Variants in SHISA9 observed in about 807,000 individuals in gnomAD.
SHISA9 encodes protein shisa-9.
Under a neutral mutation model 38.0 loss-of-function variants are expected in SHISA9, and 13 were observed. The observed-to-expected ratio is 0.34, with a 90% confidence interval of 0.22 to 0.54. The LOEUF is 0.54. Ranked by LOEUF, SHISA9 falls within the 20% of genes least tolerant of loss-of-function variation. The probability of loss-of-function intolerance (pLI) is 0.91; values close to 1 mark genes in which losing one functional copy is unlikely to be tolerated. For missense variants in SHISA9, 538 were observed against 575.8 expected, an observed-to-expected ratio of 0.93 and a Z score of 0.67; for synonymous variants, 275 against 242.0, an observed-to-expected ratio of 1.14 and a Z score of -1.27.
chr16:13,302,872 C>CT, the SHISA9 span, among the ~76,000 whole-genome samples: 1 of 152,104 alleles, frequency 6.6e-6, no homozygotes, highest in Admixed American at 6.5e-5. Context: ...TGAGTGAGTT[C>CT]TGACGAGATC....
At chr16:12,928,783 A>T (rs1207614998) in intron 2 of SHISA9, among the ~76,000 whole-genome samples, 2 of 152,264 alleles carry the variant, frequency 1.3e-5, no homozygotes, top group East Asian at 3.8e-4. Flanking sequence ...GAAGCTCCTC[A>T]TTCTGCAGAG....
intron 2 of SHISA9, among the ~76,000 whole-genome samples, chr16:13,023,847 T>C (rs141241608): frequency 6.6e-6 from 1 of 152,272 alleles, no homozygotes; most frequent in Non-Finnish European, 1.5e-5. Context: ...GTCACATTCA[T>C]AGGTTCTGGA....
the SHISA9 span, among the ~76,000 whole-genome samples, chr16:13,555,384 T>C: frequency 1.2e-4 from 18 of 152,128 alleles, no homozygotes; most frequent in Non-Finnish European, 2.1e-4. Context: ...TCCTCAGAGC[T>C]TTCCAAAAAA....
chr16:12,970,715 G>A (rs1189170635), intron 2 of SHISA9, among the ~76,000 whole-genome samples: 1 of 149,960 alleles, frequency 6.7e-6, no homozygotes, highest in Non-Finnish European at 1.5e-5. Flanking sequence ...GTACAGACGG[G>A]GTTTCACCGT....
the SHISA9 span, among the ~76,000 whole-genome samples, chr16:13,261,280 G>A: frequency 1.1e-4 from 16 of 152,240 alleles, no homozygotes; most frequent in African/African-American, 3.1e-4. Context: ...ACTCTAGTCC[G>A]TCCAGTCAAG....
the SHISA9 span, among the ~76,000 whole-genome samples, chr16:13,467,677 G>C: frequency 4.1e-4 from 63 of 152,298 alleles, no homozygotes; most frequent in African/African-American, 1.5e-3. Context: ...TTAGAGAATG[G>C]ATCTCTAATG....
At chr16:13,464,227 AG>A in the SHISA9 span, among the ~76,000 whole-genome samples, 2 of 152,190 alleles carry the variant, frequency 1.3e-5, no homozygotes, top group Non-Finnish European at 2.9e-5. Flanking sequence ...GGTTTAATTA[AG>A]GGTAGCTCTA....
At chr16:13,288,758 T>C in the SHISA9 span, among the ~76,000 whole-genome samples, 56 of 152,156 alleles carry the variant, frequency 3.7e-4, no homozygotes, top group African/African-American at 1.3e-3. Flanking sequence ...ACCACTGCAC[T>C]CCAGCTTGGT....
At chr16:13,230,249 G>C (rs906083344) in intron 4 of SHISA9, among the ~76,000 whole-genome samples, 19 of 152,186 alleles carry the variant, frequency 1.2e-4, no homozygotes, top group African/African-American at 4.3e-4. Context: ...TACATGGTGG[G>C]TACCTGTTTG....
At chr16:13,155,584 T>A (rs1411818169) in intron 2 of SHISA9, among the ~76,000 whole-genome samples, 1 of 136,420 alleles carries the variant, frequency 7.3e-6, no homozygotes, top group Non-Finnish European at 1.6e-5. Flanking sequence ...TTTGTTTGTG[T>A]GTGTGGTGTG....
At chr16:13,008,833 T>G (rs990814504) in intron 2 of SHISA9, among the ~76,000 whole-genome samples, 1 of 152,090 alleles carries the variant, frequency 6.6e-6, no homozygotes, top group African/African-American at 2.4e-5. Context: ...GTCTTAAGTA[T>G]GTCTTTAGAG....
chr16:13,171,492 G>A (rs1024078377), intron 2 of SHISA9, among the ~76,000 whole-genome samples: 1 of 146,510 alleles, frequency 6.8e-6, no homozygotes, highest in Non-Finnish European at 1.5e-5. Context: ...GGGGGCGGGG[G>A]TGGGGGCGGG....
the SHISA9 span, among the ~76,000 whole-genome samples, chr16:13,480,315 C>T: frequency 4.6e-5 from 7 of 152,120 alleles, no homozygotes; most frequent in East Asian, 1.9e-4. Flanking sequence ...CATTAGCAGT[C>T]GGTGCCAGCT....
chr16:12,909,520 T>C (rs1167767324), intron 1 of SHISA9: 1 of 985,334 alleles, frequency 1.0e-6, no homozygotes, highest in African/African-American at 1.7e-5. Context: ...TCATTGTAAT[T>C]GGAAAGAAAA....
chr16:12,906,873 C>T (rs1251308619), intron 1 of SHISA9, among the ~76,000 whole-genome samples: 1 of 152,128 alleles, frequency 6.6e-6, no homozygotes, highest in African/African-American at 2.4e-5. Flanking sequence ...ACACTCCACA[C>T]CCCAGTTTTG....
intron 2 of SHISA9, among the ~76,000 whole-genome samples, chr16:12,932,926 C>T (rs561510242): frequency 2.0e-5 from 3 of 152,156 alleles, no homozygotes; most frequent in South Asian, 4.1e-4. Context: ...GGATGGTGCT[C>T]GTGTGCCATC....
In SHISA9 at chr16:12,902,036, G is replaced by A. The variant is rs771359872; in HGVS notation, c.-29G>A. The stretch of plus-strand genomic sequence containing the variant: ...GGCCGCAGAGGCTCCAGCGGCGGCC[G>A]AGCGGCCGAGCCCGGGCTGGGAGAC... On this transcript the variant is annotated 5_prime_UTR_variant, in exon 1 of 5. Transcript: ENST00000558583. The A allele has an allele frequency of 4.7e-5, 68 of 1,432,182 alleles. No homozygotes were observed. In the Middle Eastern group the frequency reaches 1.2e-3, roughly 25 times the overall value. The allele number at this position is 1,432,182 out of a possible 1,614,324, so 88.7% of individuals were successfully genotyped here.
At chr16:13,233,841 T>C (rs147756305) in intron 4 of SHISA9, among the ~76,000 whole-genome samples, 84 of 152,182 alleles carry the variant, frequency 5.5e-4, no homozygotes, top group African/African-American at 1.8e-3. Flanking sequence ...TGAAACCTCA[T>C]TTCTACAAAC....
intron 2 of SHISA9, among the ~76,000 whole-genome samples, chr16:13,011,060 C>G (rs1405274830): frequency 6.6e-6 from 1 of 152,130 alleles, no homozygotes; most frequent in Non-Finnish European, 1.5e-5. Context: ...TTATTGAGCA[C>G]CTAATACGGG....
Sources: gnomAD v4.1 joint callset for allele counts (sites outside exome capture counted in the v4.1 genomes callset) on GRCh38, gnomAD v4.1.1 for gene constraint, MANE v1.5 for transcripts, NCBI Gene and HGNC (gene_info 2026-07-23, HGNC 2026-07-21) for gene names.